Variants in MIA2 observed in about 807,000 individuals in gnomAD.
MIA2 encodes melanoma inhibitory activity protein 2.
Under a neutral mutation model 167.8 loss-of-function variants are expected in MIA2, and 127 were observed. That is an observed-to-expected ratio of 0.76 (90% CI 0.66 to 0.88). The LOEUF (loss-of-function observed/expected upper bound fraction) is 0.88, where lower values mean the gene tolerates loss of function less well. Ranked by LOEUF, MIA2 falls within the 40% of genes least tolerant of loss-of-function variation. The probability of loss-of-function intolerance (pLI) is 0.00; values close to 1 mark genes in which losing one functional copy is unlikely to be tolerated. For missense variants in MIA2, 1,690 were observed against 1,624.7 expected (o/e 1.04, Z -0.69); for synonymous variants, 552 against 541.9 (o/e 1.02, Z -0.26).
At chr14:39,268,277 TTTC>T (rs1156338333) in intron 6 of MIA2, among the ~76,000 whole-genome samples, 4 of 152,164 alleles carry the variant, frequency 2.6e-5, no homozygotes, top group African/African-American at 9.7e-5. Context: ...ACGATTATGT[TTTC>T]TTGTTAGGTG....
intron 23 of MIA2, among the ~76,000 whole-genome samples, chr14:39,360,570 T>G (rs1212721916): frequency 3.3e-5 from 5 of 152,174 alleles, no homozygotes. Flanking sequence ...GAATGAATAG[T>G]TTGCATATAT....
At chr14:39,385,646 G>C in intron 23 of MIA2, 1 of 871,848 alleles carries the variant, frequency 1.1e-6, no homozygotes, top group Non-Finnish European at 2.0e-6. Context: ...CTGGATGTTA[G>C]TTCTAAAAGC....
intron 6 of MIA2, chr14:39,268,985 GTACATGGA>G: frequency 1.0e-6 from 1 of 982,656 alleles, no homozygotes; most frequent in Non-Finnish European, 1.2e-6. Flanking sequence ...GACTGCCAGT[GTACATGGA>G]GAAATGCAGA....
intron 23 of MIA2, among the ~76,000 whole-genome samples, chr14:39,319,784 G>T (rs1252703360): frequency 6.6e-6 from 1 of 151,984 alleles, no homozygotes; most frequent in Non-Finnish European, 1.5e-5. Flanking sequence ...TACCCTCAAG[G>T]GAGGACCAAT....
chr14:39,252,070 G>T lies in MIA2; in HGVS notation c.1568-678G>T, dbSNP rs1422374481. Reference sequence around the variant, plus strand: ...TTAAAAGTAATTTTTAGGACAAAAAGGCACGTTAGAGAATAGAATTATATA... The same window carrying T: ...TTAAAAGTAATTTTTAGGACAAAAATGCACGTTAGAGAATAGAATTATATA... On this transcript the variant is annotated intron_variant, in intron 4 of 28. Coordinates refer to ENST00000640607, the MANE Select transcript of MIA2 (RefSeq NM_001329214.4). Among the ~76,000 whole-genome samples the T allele has an allele frequency of 3.6e-5, 3 of 83,944 alleles. No homozygotes were observed. In the East Asian group the frequency reaches 1.3e-3, roughly 37 times the overall value. The allele number at this position is 83,944 out of a possible 152,430, so 55.1% of individuals were successfully genotyped here.
chr14:39,248,455 T>G (rs922409304), intron 4 of MIA2, among the ~76,000 whole-genome samples: 16 of 151,676 alleles, frequency 1.1e-4, no homozygotes, highest in African/African-American at 3.9e-4. Context: ...TTTTTTTTTT[T>G]GACAAAAGCA....
In MIA2 at chr14:39,289,227, C is replaced by CT. The variant is rs11349799; in HGVS notation, c.2131-1779dup. On this transcript the variant is annotated intron_variant, in intron 9 of 28. Transcript: ENST00000640607. ...CTTTGTTGTAAGGTAGGCAGGTTTTCTTTTTTTTTTTTTGAGACAGTCTTG... is the reference window on the plus strand; with the variant it reads ...CTTTGTTGTAAGGTAGGCAGGTTTTCTTTTTTTTTTTTTTGAGACAGTCTTG... Among the ~76,000 whole-genome samples, 159 of 146,196 alleles carry CT rather than the reference C, an allele frequency of 1.1e-3. 1 individual carries two copies. In the South Asian group the frequency reaches 0.024, roughly 22 times the overall value.
chr14:39,372,552 G>C (rs1335262244), intron 23 of MIA2, among the ~76,000 whole-genome samples: 1 of 152,186 alleles, frequency 6.6e-6, no homozygotes, highest in East Asian at 1.9e-4. Context: ...TGTGCCTGCA[G>C]ATTGCATGAA....
At chr14:39,261,521 G>A (rs2055116043) in intron 6 of MIA2, among the ~76,000 whole-genome samples, 1 of 152,076 alleles carries the variant, frequency 6.6e-6, no homozygotes, top group African/African-American at 2.4e-5. Flanking sequence ...AGGATGGCTG[G>A]GTCAAATGCT....
intron 27 of MIA2, 105 bp downstream of exon 27, chr14:39,347,876 C>T (rs1467325876): frequency 3.7e-6 from 4 of 1,086,770 alleles, no homozygotes; most frequent in African/African-American, 3.6e-5. Context: ...AGCTGGAGTG[C>T]AGTGGCGCTA....
chr14:39,238,696 A>G (rs887720660), intron 2 of MIA2, among the ~76,000 whole-genome samples: 4 of 149,256 alleles, frequency 2.7e-5, no homozygotes, highest in Admixed American at 6.7e-5. Context: ...TTGAGAGGCT[A>G]AAGTGGGAGG....
chr14:39,264,109 C>A (rs1439701273), intron 6 of MIA2, among the ~76,000 whole-genome samples: 1 of 152,156 alleles, frequency 6.6e-6, no homozygotes, highest in East Asian at 1.9e-4. Flanking sequence ...CTCCCTTCCT[C>A]ATTTTTGAGT....
At chr14:39,240,846 G>T (rs537003412) in intron 3 of MIA2, among the ~76,000 whole-genome samples, 199 bp downstream of exon 3, 1 of 152,288 alleles carries the variant, frequency 6.6e-6, no homozygotes, top group South Asian at 2.1e-4. Context: ...AAAAGATTTT[G>T]CTTTCTGAAC....
intron 23 of MIA2, chr14:39,385,909 C>A (rs913846132): frequency 2.3e-6 from 2 of 872,798 alleles, no homozygotes; most frequent in African/African-American, 1.6e-5. Context: ...ATCTCCTCTA[C>A]CCCATCTTCT....
rs763225626 is a variant in MIA2, at chr14:39,291,039, G to A, written c.2151G>A (p.Glu717=). Residue 717 remains glutamate (E), a synonymous_variant, in exon 10 of 29, where the codon GAG becomes GAA. Transcript: ENST00000640607. ...VQKEYEGYEV[E]SSLKDASFEK... Reference sequence around the variant, plus strand: ...TTCAGTATGAAGGCTATGAAGTAGAGTCATCTTTAAAGGATGCCAGCTTTG... The same window carrying A: ...TTCAGTATGAAGGCTATGAAGTAGAATCATCTTTAAAGGATGCCAGCTTTG... 3.7e-6 allele frequency: 6 copies of A among 1,607,952 alleles called. No homozygotes were observed. Among genetic ancestry groups the A allele is most frequent in the Admixed American group, 1.7e-5 (1 of 58,784 alleles).
rs1566678747 is a variant in MIA2 at position 39,277,048 on chromosome 14, T to G, written c.2002T>G (p.Trp668Gly). 1 of 1,613,700 alleles carries G rather than the reference T, an allele frequency of 6.2e-7. No homozygotes were observed. The highest frequency in any genetic ancestry group is 8.5e-7 in the Non-Finnish European group (1 of 1,179,832). The change falls in exon 7 of 29, where the codon TGG (tryptophan) becomes GGG (glycine). Residue 668 changes from tryptophan to glycine, a missense_variant. By Grantham distance (184) the Trp-to-Gly change is radical. Transcript: ENST00000640607. ...ATTTTTTGCTGTTCTCTTTTTTTTG[T>G]GGAGAAGTTTTAGATCGGTAAGTAA... Reference protein sequence around the residue: ...VGFFAVLFFLWRSFRSVRSRL... With the variant: ...VGFFAVLFFLGRSFRSVRSRL...
At chr14:39,324,574 G>T (rs1456791113) in intron 24 of MIA2, among the ~76,000 whole-genome samples, 1 of 151,940 alleles carries the variant, frequency 6.6e-6, no homozygotes, top group Admixed American at 6.6e-5. Context: ...AGGAGGTACT[G>T]AAATAGAGTA....
intron 13 of MIA2, among the ~76,000 whole-genome samples, chr14:39,299,188 C>T (rs1299336056): frequency 6.7e-6 from 1 of 150,270 alleles, no homozygotes; most frequent in Non-Finnish European, 1.5e-5. Flanking sequence ...GTCAAGTCTA[C>T]CTTTTATAAT....
intron 6 of MIA2, among the ~76,000 whole-genome samples, chr14:39,274,431 C>CTTTTTTT (rs547198743): frequency 2.9e-5 from 4 of 136,974 alleles, no homozygotes; most frequent in Non-Finnish European, 6.4e-5. Flanking sequence ...TTCTTTTTTT[C>CTTTTTTT]TTTTTTTTTT....
Sources: gnomAD v4.1 joint callset for allele counts (sites outside exome capture counted in the v4.1 genomes callset) on GRCh38, gnomAD v4.1.1 for gene constraint, MANE v1.5 for transcripts, NCBI Gene and HGNC (gene_info 2026-07-23, HGNC 2026-07-21) for gene names.